SLC35F4: variants seen among roughly 807,000 people sequenced by gnomAD.
The protein encoded by SLC35F4 is chromosome 14 open reading frame 36.
SLC35F4 carries 24 observed loss-of-function variants against 44.2 expected under a neutral mutation model. The ratio of observed to expected loss-of-function variants is 0.54; its 90% CI spans 0.39 to 0.76. The LOEUF (loss-of-function observed/expected upper bound fraction) is 0.76. SLC35F4 is among the 30% of genes least tolerant of loss of function. The pLI, the probability that SLC35F4 is intolerant of heterozygous loss-of-function variation, is 0.00. For missense variants in SLC35F4, 562 were observed against 586.1 expected (o/e 0.96, Z 0.42); for synonymous variants, 238 against 223.6 (o/e 1.06, Z -0.57).
At chr14:57,786,299 G>A (rs2077756687) in intron 1 of SLC35F4, among the ~76,000 whole-genome samples, 1 of 152,108 alleles carries the variant, frequency 6.6e-6, no homozygotes, top group Non-Finnish European at 1.5e-5. Flanking sequence ...GATATGTCTA[G>A]CCCTGCCCCC....
chr14:57,570,967 A>T (rs984473859), intron 5 of SLC35F4, among the ~76,000 whole-genome samples: 17 of 152,328 alleles, frequency 1.1e-4, no homozygotes, highest in Non-Finnish European at 1.9e-4. Flanking sequence ...CCATTGAGTG[A>T]ACATTTGTCA....
At chr14:57,711,660 G>A (rs1030296326) in intron 1 of SLC35F4, among the ~76,000 whole-genome samples, 1 of 152,160 alleles carries the variant, frequency 6.6e-6, no homozygotes, top group Admixed American at 6.5e-5. Flanking sequence ...AATCTCTATA[G>A]TCACAGTCAA....
chr14:57,887,069 C>T (rs577985035), intron 1 of SLC35F4, among the ~76,000 whole-genome samples: 2 of 152,282 alleles, frequency 1.3e-5, no homozygotes, highest in South Asian at 2.1e-4. Flanking sequence ...TGCACAGAGG[C>T]CTTCAGTTAA....
intron 1 of SLC35F4, among the ~76,000 whole-genome samples, chr14:57,763,415 A>G (rs758930094): frequency 6.6e-6 from 1 of 152,200 alleles, no homozygotes; most frequent in Non-Finnish European, 1.5e-5. Flanking sequence ...TCAAATATTC[A>G]GAGGCATAAT....
At chr14:57,584,470 TTAA>T (rs1226736871) in intron 3 of SLC35F4, among the ~76,000 whole-genome samples, 21 of 152,270 alleles carry the variant, frequency 1.4e-4, no homozygotes, top group Admixed American at 3.3e-4. Flanking sequence ...GCAGATGGTA[TTAA>T]TGAGTCTACA....
intron 1 of SLC35F4, among the ~76,000 whole-genome samples, chr14:57,795,438 A>G (rs183149341): frequency 4.5e-4 from 68 of 152,308 alleles, no homozygotes; most frequent in Non-Finnish European, 1.8e-4. Context: ...TCGCCACCCA[A>G]CAACCTAACT....
At chr14:57,682,876 G>A (rs1219167219) in intron 1 of SLC35F4, among the ~76,000 whole-genome samples, 1 of 151,992 alleles carries the variant, frequency 6.6e-6, no homozygotes, top group African/African-American at 2.4e-5. Flanking sequence ...TTAAATTAAT[G>A]CACTCCATTT....
At chr14:57,865,637 G>GCGCC (rs1888097355) in intron 1 of SLC35F4, 86 bp downstream of exon 1, 6 of 1,135,306 alleles carry the variant, frequency 5.3e-6, no homozygotes, top group Non-Finnish European at 7.2e-6. Flanking sequence ...TCCGTACCGC[G>GCGCC]CGCCCGCCCG....
intron 1 of SLC35F4, among the ~76,000 whole-genome samples, chr14:57,889,285 C>T (rs1335522): frequency 6.6e-6 from 1 of 152,172 alleles, no homozygotes; most frequent in African/African-American, 2.4e-5. Context: ...CTTCCTAAAC[C>T]AGTGCCAGGA....
chr14:57,898,358 A>C (rs1355302730), intron 1 of SLC35F4, among the ~76,000 whole-genome samples: 1 of 152,224 alleles, frequency 6.6e-6, no homozygotes, highest in Non-Finnish European at 1.5e-5. Flanking sequence ...CATGGCATAC[A>C]ATTAGGTTTA....
chr14:57,877,752 T>C (rs1888432290), intron 1 of SLC35F4, among the ~76,000 whole-genome samples: 1 of 137,434 alleles, frequency 7.3e-6, no homozygotes, highest in African/African-American at 2.8e-5. Flanking sequence ...GTGGCAGATC[T>C]CAGCTCACTG....
At position 57,671,674 on chromosome 14, in the gene SLC35F4, G is replaced by A. The variant is rs528172813; in HGVS notation, c.104-77550C>T. On this transcript the variant is annotated intron_variant, in intron 1 of 7. Coordinates refer to ENST00000556826, the MANE Select transcript of SLC35F4 (RefSeq NM_001306087.2). ...ACATAACCAGCGGTGGTGGCTATGG[G>A]GTGAAACTCCTTCTGCTTGAAAAAA... is the stretch of plus-strand genomic sequence containing the variant. Among the ~76,000 whole-genome samples the A allele has an allele frequency of 2.6e-5, 4 of 151,932 alleles. No individual in the cohort carries two copies. In the South Asian group the frequency reaches 8.3e-4, roughly 32 times the overall value.
intron 4 of SLC35F4, among the ~76,000 whole-genome samples, chr14:57,572,243 T>C (rs958410944): frequency 6.6e-6 from 1 of 152,206 alleles, no homozygotes; most frequent in African/African-American, 2.4e-5. Context: ...TAAAGACTAG[T>C]AATTTTATTA....
chr14:57,852,314 T>C (rs1442189366), intron 1 of SLC35F4, among the ~76,000 whole-genome samples: 1 of 152,104 alleles, frequency 6.6e-6, no homozygotes, highest in African/African-American at 2.4e-5. Flanking sequence ...TCATCTTAGA[T>C]GAATGAAAGA....
chr14:57,689,491 C>G (rs754225497), intron 1 of SLC35F4, among the ~76,000 whole-genome samples: 1 of 152,106 alleles, frequency 6.6e-6, no homozygotes, highest in Non-Finnish European at 1.5e-5. Context: ...CAAAAAAACC[C>G]TGCTCCCGGT....
chr14:57,589,149 T>C (rs1196829421), intron 3 of SLC35F4, 67 bp downstream of exon 3: 4 of 1,499,478 alleles, frequency 2.7e-6, no homozygotes, highest in Non-Finnish European at 2.7e-6. Context: ...TCCCAAGAGA[T>C]AAAAATAGGC....
At chr14:57,813,089 T>C (rs1882153490) in intron 1 of SLC35F4, among the ~76,000 whole-genome samples, 1 of 152,174 alleles carries the variant, frequency 6.6e-6, no homozygotes, top group Non-Finnish European at 1.5e-5. Flanking sequence ...AGAGAGGCTA[T>C]GGAATGTACA....
At chr14:57,829,685 C>G (rs1282082880) in intron 1 of SLC35F4, among the ~76,000 whole-genome samples, 1 of 152,186 alleles carries the variant, frequency 6.6e-6, no homozygotes, top group African/African-American at 2.4e-5. Context: ...GCTGTGGCTC[C>G]TTTCCTGGGT....
chr14:57,912,931 A>G (rs74057736), intron 1 of SLC35F4, among the ~76,000 whole-genome samples: 3,518 of 152,160 alleles, frequency 0.023, 122 homozygotes, highest in East Asian at 0.087. Context: ...CTTTCCTCAC[A>G]TATTTTGATG....
Sources: gnomAD v4.1 joint callset for allele counts (sites outside exome capture counted in the v4.1 genomes callset) on GRCh38, gnomAD v4.1.1 for gene constraint, MANE v1.5 for transcripts, NCBI Gene and HGNC (gene_info 2026-07-23, HGNC 2026-07-21) for gene names.